AKAP9: variants seen among roughly 807,000 people sequenced by gnomAD.
AKAP9 encodes the protein A-kinase anchor protein 9.
AKAP9 carries 311 observed loss-of-function variants against 488.5 expected under a neutral mutation model. The observed-to-expected ratio is 0.64, with a 90% confidence interval of 0.58 to 0.70. The LOEUF (loss-of-function observed/expected upper bound fraction) is 0.70. Ranked by LOEUF, AKAP9 falls within the 30% of genes least tolerant of loss-of-function variation. AKAP9 has a pLI of 0.00. For synonymous variants in AKAP9, 1,462 were observed against 1,483.5 expected (o/e 0.99, Z 0.33); for missense variants, 4,215 against 4,374.5 (o/e 0.96, Z 1.03).
At chr7:92,094,187 G>A (rs568461066) in intron 39 of AKAP9, among the ~76,000 whole-genome samples, 1 of 151,780 alleles carries the variant, frequency 6.6e-6, no homozygotes, top group Non-Finnish European at 1.5e-5. Flanking sequence ...ACAATAAATT[G>A]CATAGTTGTT....
Position 92,016,126 on chromosome 7 carries a change from C to A in AKAP9, c.3613-3C>A. ...TTAAAATACACAATTTTGTTGTTAA[C>A]AGACTTTATGCAGTGTCCTTGGTGA... On this transcript the variant is annotated splice_region_variant and splice_polypyrimidine_tract_variant and intron_variant, in intron 10 of 49. Coordinates refer to ENST00000356239, the MANE Select transcript of AKAP9 (RefSeq NM_005751.5). 1 of 1,599,796 alleles carries A rather than the reference C, an allele frequency of 6.3e-7. No homozygotes were observed. Among genetic ancestry groups the A allele is most frequent in the Non-Finnish European group, 8.6e-7 (1 of 1,168,478 alleles).
At chr7:92,009,097 G>A (rs112762085) in intron 8 of AKAP9, among the ~76,000 whole-genome samples, 1,945 of 152,094 alleles carry the variant, frequency 0.013, 25 homozygotes, top group Non-Finnish European at 0.021. Flanking sequence ...GACAGGAGGA[G>A]TGCTTGAGCC....
chr7:92,065,233 T>G lies in AKAP9; in HGVS notation c.5980T>G (p.Leu1994Val), dbSNP rs762337629. The G allele has an allele frequency of 1.9e-6, 3 of 1,580,526 alleles. No homozygotes were observed. In the South Asian group the frequency reaches 3.3e-5, roughly 18 times the overall value. The change falls in exon 25 of 50, where the codon TTA becomes GTA. Residue 1994 changes from leucine (L) to valine (V), a missense_variant and splice_region_variant. Physicochemically the swap from Leu to Val is conservative, Grantham distance 32 (BLOSUM62 1). This residue lies in a region of AKAP9 where 2,361 missense variants were observed against 2,430.0 expected (regional missense o/e 0.97). Transcript: ENST00000356239. ...KAEAGPVEQQ[L>V]LQETEKLMKE... ...GTATATTTTGTATTAATAAACAGAA[T>G]TACTACAGGAGACAGAAAAATTAAT...
In AKAP9 at chr7:92,040,670, A is replaced by G; in HGVS notation, c.4693-4A>G. On this transcript the variant is annotated splice_region_variant and splice_polypyrimidine_tract_variant and intron_variant, in intron 17 of 49. Coordinates refer to ENST00000356239, the MANE Select transcript of AKAP9 (RefSeq NM_005751.5). ...TGTTTTTTTTTTTTTTTTTACTATT[A>G]AAGATTCATGATGAGATTTCAGTGT... The G allele has an allele frequency of 7.0e-7, 1 of 1,428,340 alleles. No individual in the cohort carries two copies. The highest frequency in any genetic ancestry group is 1.2e-5 in the South Asian group (1 of 81,070). 88.5% of individuals were successfully genotyped at this position (1,428,340 alleles called of 1,614,324 possible). A position where few individuals can be genotyped will look rare whatever the true frequency, so the allele number is the denominator to read the frequency against.
chr7:92,102,756 G>C lies in AKAP9; in HGVS notation c.11260G>C (p.Val3754Leu). Residue 3754 changes from valine (V) to leucine (L), a missense_variant, in exon 46 of 50, where the codon GTG (valine) becomes CTG (leucine). This residue lies in a region of AKAP9 where 253 missense variants were observed against 266.8 expected (regional missense o/e 0.95). Transcript: ENST00000356239. ...GCAGCCAGCTTTCACGGATCTAGAGGTGATCACCAATCGCCCAAAGGGCTT... is the reference window on the plus strand; with the variant it reads ...GCAGCCAGCTTTCACGGATCTAGAGCTGATCACCAATCGCCCAAAGGGCTT... ...GGQPAFTDLE[V>L]ITNRPKGFTR... is the part of the protein sequence containing the mutation. 1 of 1,614,224 alleles carries C rather than the reference G, an allele frequency of 6.2e-7. No individual in the cohort carries two copies. Among genetic ancestry groups the C allele is most frequent in the African/African-American group, 1.3e-5 (1 of 75,056 alleles).
chr7:92,097,905 C>T (rs1563142248), intron 42 of AKAP9, 111 bp downstream of exon 42: 12 of 1,087,976 alleles, frequency 1.1e-5, no homozygotes, highest in African/African-American at 4.7e-5. Flanking sequence ...AAAGGTAATG[C>T]GTGTTTACAT....
chr7:92,015,958 T>C (rs1801455965), intron 10 of AKAP9, among the ~76,000 whole-genome samples, 171 bp from the exon 11 acceptor site: 1 of 152,216 alleles, frequency 6.6e-6, no homozygotes, highest in African/African-American at 2.4e-5. Flanking sequence ...GCCAGAGAGA[T>C]AGATTTAGAC....
chr7:92,025,091 A>G (rs947866482), intron 14 of AKAP9, among the ~76,000 whole-genome samples: 2 of 152,344 alleles, frequency 1.3e-5, no homozygotes, highest in African/African-American at 4.8e-5. Flanking sequence ...GTTTTTAACA[A>G]TATAATTCAG....
chr7:92,013,873 ATTT>A (rs147736652), intron 9 of AKAP9, among the ~76,000 whole-genome samples: 1 of 149,690 alleles, frequency 6.7e-6, no homozygotes, highest in Non-Finnish European at 1.5e-5. Flanking sequence ...AATGATCAAC[ATTT>A]TTAAAAAAAA....
In AKAP9 at chr7:92,001,280, C is replaced by A; in HGVS notation, c.1363C>A (p.Gln455Lys). 6.2e-7 allele frequency: 1 copy of A among 1,613,876 alleles called. No homozygotes were observed. Among genetic ancestry groups the A allele is most frequent in the African/African-American group, 1.3e-5 (1 of 75,000 alleles). Reference sequence around the variant, plus strand: ...GCAAATGAAACAAGAATTAATAAGACAACACATGGCACAGATGGAGGAAAT... The same window carrying A: ...GCAAATGAAACAAGAATTAATAAGAAAACACATGGCACAGATGGAGGAAAT... ...IVQMKQELIR[Q>K]HMAQMEEMKT... The change falls in exon 8 of 50, where the codon CAA (glutamine) becomes AAA (lysine). Residue 455 changes from glutamine (Q) to lysine (K), a missense_variant. By Grantham distance (53) the Gln-to-Lys change is moderately conservative. Transcript: ENST00000356239.
rs1409885585 is a variant in AKAP9 at position 92,061,249 on chromosome 7, T to A, written c.5602-11T>A. On this transcript the variant is annotated splice_polypyrimidine_tract_variant and intron_variant, in intron 22 of 49. Transcript: ENST00000356239. ...TATTTTCTTTTATGTATTGTTTCCC[T>A]CTTTGTTTAGCTTGAACATGCGAAA... 2 of 1,611,192 alleles carry A rather than the reference T, an allele frequency of 1.2e-6. No homozygotes were observed. The highest frequency in any genetic ancestry group is 2.7e-5 in the African/African-American group (2 of 74,774).
Position 91,994,664 on chromosome 7 carries a change from T to G in AKAP9, c.620T>G (p.Ile207Arg), listed in dbSNP as rs1798170456. The change falls in exon 6 of 50, where the codon ATA (isoleucine) becomes AGA (arginine). Residue 207 changes from isoleucine (I) to arginine (R), a missense_variant. By Grantham distance (97) the Ile-to-Arg change is moderately conservative (BLOSUM62 -3). Transcript: ENST00000356239. ...GCCATTAAACAAAGAGATGGCATTA[T>G]AACCCAGCTCACTGCTAATTTACAA... ...EAAIKQRDGIITQLTANLQQA... is the reference protein window; with the variant it reads ...EAAIKQRDGIRTQLTANLQQA... 1 of 1,613,428 alleles carries G rather than the reference T, an allele frequency of 6.2e-7. No homozygotes were observed. Among genetic ancestry groups the G allele is most frequent in the African/African-American group, 1.3e-5 (1 of 75,050 alleles).
At chr7:91,983,255 AGT>A (rs937166319) in intron 3 of AKAP9, among the ~76,000 whole-genome samples, 24 of 151,880 alleles carry the variant, frequency 1.6e-4, no homozygotes, top group African/African-American at 5.6e-4. Flanking sequence ...CCTGTGTCCA[AGT>A]GTTCTCACTG....
chr7:92,053,125 G>A (rs1808263780), intron 22 of AKAP9, among the ~76,000 whole-genome samples, 167 bp downstream of exon 22: 1 of 152,104 alleles, frequency 6.6e-6, no homozygotes, highest in Admixed American at 6.6e-5. Context: ...AAGTTGTATA[G>A]TATAAATGAT....
intron 28 of AKAP9, among the ~76,000 whole-genome samples, chr7:92,073,262 C>T (rs911525220): frequency 1.3e-5 from 2 of 151,052 alleles, no homozygotes; most frequent in Non-Finnish European, 2.9e-5. Context: ...TTTGGGAGGC[C>T]GAGGTGGGTG....
At chr7:92,081,599 AGGATTACAGGTGTTAGCCACTGC>A (rs1813599182) in intron 31 of AKAP9, among the ~76,000 whole-genome samples, 1 of 150,918 alleles carries the variant, frequency 6.6e-6, no homozygotes, top group Non-Finnish European at 1.5e-5. Context: ...CCAAAGTGCT[AGGATTACAGGTGTTAGCCACTGC>A]GCCTGGCCAG....
chr7:92,083,081 A>C, intron 32 of AKAP9, 89 bp from the exon 33 acceptor site: 1 of 1,468,698 alleles, frequency 6.8e-7, no homozygotes, highest in Non-Finnish European at 9.3e-7. Flanking sequence ...ATAATCATGA[A>C]TTACATTCCT....
intron 16 of AKAP9, among the ~76,000 whole-genome samples, chr7:92,036,303 C>CT (rs202205846): frequency 2.5e-4 from 38 of 150,770 alleles, no homozygotes; most frequent in Non-Finnish European, 3.7e-4. Flanking sequence ...CTCTTTTCTC[C>CT]TTTTTTTTTA....
chr7:92,069,623 G>A (rs1208909269), intron 26 of AKAP9, among the ~76,000 whole-genome samples: 1 of 152,168 alleles, frequency 6.6e-6, no homozygotes, highest in Non-Finnish European at 1.5e-5. Flanking sequence ...TTTGAATTTT[G>A]TAATATTTGC....
Sources: allele counts gnomAD v4.1 joint callset (sites outside exome capture counted in the v4.1 genomes callset), GRCh38; gene constraint gnomAD v4.1.1; regional missense constraint gnomAD v4.1.1; transcripts MANE v1.5; gene names NCBI Gene and HGNC (gene_info 2026-07-23, HGNC 2026-07-21).